FMN1: variants seen among roughly 807,000 people sequenced by gnomAD.
FMN1 encodes the protein formin-1.
A neutral mutation model predicts 132.4 loss-of-function variants in FMN1; 110 were observed. The observed-to-expected ratio is 0.83, with a 90% CI of 0.71 to 0.97. The LOEUF is 0.97. Among genes scored for constraint, FMN1 ranks in the 50% least tolerant of loss-of-function variants. FMN1 has a pLI of 0.00. For synonymous variants in FMN1, 722 were observed against 651.7 expected (o/e 1.11, Z -1.64); for missense variants, 1,792 against 1,705.3 (o/e 1.05, Z -0.90).
At chr15:33,071,688 G>A (rs1311397075) in intron 5 of FMN1, among the ~76,000 whole-genome samples, 1 of 152,024 alleles carries the variant, frequency 6.6e-6, no homozygotes, top group Non-Finnish European at 1.5e-5. Flanking sequence ...AGGAGCACGA[G>A]TAAGATTCAA....
intron 19 of FMN1, among the ~76,000 whole-genome samples, chr15:32,784,086 A>G (rs74011968): frequency 0.012 from 1,815 of 152,300 alleles, 34 homozygotes; most frequent in African/African-American, 0.041. Flanking sequence ...GATTGAGCAC[A>G]CCAGCCAATC....
chr15:33,055,720 G>C (rs764317253), intron 6 of FMN1, among the ~76,000 whole-genome samples: 9 of 152,058 alleles, frequency 5.9e-5, no homozygotes, highest in South Asian at 4.2e-4. Flanking sequence ...TTTCATGATT[G>C]GCTTAGAAAA....
At chr15:32,950,012 T>C (rs1283772172) in intron 9 of FMN1, among the ~76,000 whole-genome samples, 1 of 8,814 alleles carries the variant, frequency 1.1e-4, no homozygotes, top group Non-Finnish European at 2.2e-4. Context: ...CACATATATA[T>C]ATACACATAT....
At position 33,067,608 on chromosome 15, in the gene FMN1, T is replaced by G. The variant is rs780481990; in HGVS notation, c.2044-2534A>C. The G allele has an allele frequency of 5.6e-6, 9 of 1,613,874 alleles. No individual in the cohort carries two copies. In the Admixed American group the frequency reaches 1.5e-4, roughly 27 times the overall value. ...TCCACGCTTGCAATTTTCTCATCAT[T>G]TCCGAGGTCAGGTGAAACCCGAGAC... On this transcript the variant is annotated intron_variant, in intron 5 of 20. Coordinates refer to ENST00000616417, the MANE Select transcript of FMN1 (RefSeq NM_001277313.2).
At chr15:32,962,827 A>G (rs2030736853) in intron 9 of FMN1, among the ~76,000 whole-genome samples, 1 of 151,824 alleles carries the variant, frequency 6.6e-6, no homozygotes, top group African/African-American at 2.4e-5. Flanking sequence ...GGCAATCATT[A>G]AAAAGTCAGG....
intron 9 of FMN1, among the ~76,000 whole-genome samples, chr15:32,952,871 G>C (rs1368357977): frequency 6.6e-6 from 1 of 152,210 alleles, no homozygotes; most frequent in Admixed American, 6.5e-5. Flanking sequence ...GGCGAAGGGA[G>C]GGATCAAAAT....
chr15:33,053,279 C>T (rs1355168682), intron 6 of FMN1, among the ~76,000 whole-genome samples: 1 of 152,226 alleles, frequency 6.6e-6, no homozygotes, highest in Non-Finnish European at 1.5e-5. Flanking sequence ...CTAACATTCC[C>T]TCTGGGGCTT....
intron 19 of FMN1, among the ~76,000 whole-genome samples, chr15:32,786,130 T>C (rs2056869894): frequency 6.6e-6 from 1 of 152,180 alleles, no homozygotes. Flanking sequence ...GCTGCACCAC[T>C]GGACTTACCC....
intron 19 of FMN1, among the ~76,000 whole-genome samples, chr15:32,786,395 A>G (rs913410519): frequency 2.6e-5 from 4 of 152,146 alleles, no homozygotes; most frequent in Admixed American, 1.3e-4. Context: ...TGACTACCCA[A>G]TATAGCTTTG....
intron 16 of FMN1, among the ~76,000 whole-genome samples, chr15:32,874,985 T>C (rs2059605554): frequency 6.6e-6 from 1 of 152,218 alleles, no homozygotes; most frequent in Non-Finnish European, 1.5e-5. Context: ...CCCTTTCTGT[T>C]TACTATGGCA....
intron 3 of FMN1, among the ~76,000 whole-genome samples, chr15:33,158,479 C>T (rs1964764793): frequency 6.6e-6 from 1 of 151,890 alleles, no homozygotes; most frequent in African/African-American, 2.4e-5. Flanking sequence ...TTGCCTCATC[C>T]ACCCAGAAAC....
chr15:32,964,485 T>C (rs578178375), intron 8 of FMN1, among the ~76,000 whole-genome samples: 3 of 152,338 alleles, frequency 2.0e-5, no homozygotes, highest in Middle Eastern at 3.4e-3. Flanking sequence ...TAATTGTCAT[T>C]AGCTACGATC....
intron 6 of FMN1, among the ~76,000 whole-genome samples, chr15:33,035,308 G>T (rs1329821612): frequency 2.6e-5 from 4 of 152,142 alleles, no homozygotes; most frequent in Admixed American, 1.3e-4. Flanking sequence ...CTATATTCAT[G>T]ATGGAGGAAA....
At chr15:33,040,513 AATG>A (rs768654814) in intron 6 of FMN1, among the ~76,000 whole-genome samples, 10 of 152,214 alleles carry the variant, frequency 6.6e-5, no homozygotes, top group Non-Finnish European at 1.2e-4. Context: ...TTGCTACATA[AATG>A]ATTATTATTT....
intron 6 of FMN1, among the ~76,000 whole-genome samples, chr15:33,037,751 A>G (rs1042805810): frequency 1.3e-5 from 2 of 152,238 alleles, no homozygotes; most frequent in African/African-American, 2.4e-5. Flanking sequence ...TGATTCGGAT[A>G]CAGTATTTTT....
At chr15:32,899,731 T>C (rs1225083214) in intron 14 of FMN1, 6 of 539,638 alleles carry the variant, frequency 1.1e-5, no homozygotes, top group Admixed American at 1.0e-4. Flanking sequence ...CCTGATTGTG[T>C]ATGTCAGAGC....
intron 7 of FMN1, among the ~76,000 whole-genome samples, chr15:32,993,800 C>A (rs1566802148): frequency 6.7e-6 from 1 of 148,694 alleles, no homozygotes; most frequent in Non-Finnish European, 1.5e-5. Flanking sequence ...TTGACCCTGT[C>A]TTAGAGCCAC....
At chr15:32,971,621 AAACT>A (rs1405249914) in intron 7 of FMN1, among the ~76,000 whole-genome samples, 11 of 152,216 alleles carry the variant, frequency 7.2e-5, no homozygotes, top group African/African-American at 2.7e-4. Context: ...CTGTCACAAC[AAACT>A]AACTCTCAGC....
intron 4 of FMN1, among the ~76,000 whole-genome samples, chr15:33,121,548 T>G (rs984135331): frequency 1.3e-5 from 2 of 152,194 alleles, no homozygotes; most frequent in South Asian, 2.1e-4. Flanking sequence ...TGTTTTGTTT[T>G]TTAGATAGTC....
Sources: gnomAD v4.1 joint callset for allele counts (sites outside exome capture counted in the v4.1 genomes callset) on GRCh38, gnomAD v4.1.1 for gene constraint, MANE v1.5 for transcripts, NCBI Gene and HGNC (gene_info 2026-07-23, HGNC 2026-07-21) for gene names.